Variants in GRM6 observed in about 807,000 individuals in gnomAD.
GRM6 encodes metabotropic glutamate receptor 6.
In GRM6, 73 loss-of-function variants were observed where a neutral mutation model predicts 78.4. The observed-to-expected ratio is 0.93, with a 90% CI of 0.77 to 1.13. The LOEUF is 1.13. Ranked by LOEUF, GRM6 falls within the 50% of genes most tolerant of loss-of-function variation. The pLI is 0.00. For synonymous variants in GRM6, 580 were observed against 555.0 expected (o/e 1.05, Z -0.63); for missense variants, 1,251 against 1,256.4 (o/e 1.00, Z 0.07).
At position 178,981,449 on chromosome 5, in the gene GRM6, G is replaced by A; in HGVS notation, c.*208C>T. On this transcript the variant is annotated 3_prime_UTR_variant, in exon 11 of 11. Transcript: ENST00000517717. This position sits in a 1 kb window ranked among gnomAD's most constrained non-coding sequence, Gnocchi z 5.1. ...ACCATGGGAAGCGAGTCTGGTCTGTGGTGAGGAAGCATGAAGCTCACATGC... is the reference window on the plus strand; with the variant it reads ...ACCATGGGAAGCGAGTCTGGTCTGTAGTGAGGAAGCATGAAGCTCACATGC... 1 of 583,694 alleles carries A rather than the reference G, an allele frequency of 1.7e-6. No individual in the cohort carries two copies. Among genetic ancestry groups the A allele is most frequent in the Admixed American group, 3.0e-5 (1 of 33,366 alleles). 36.2% of individuals were successfully genotyped at this position (583,694 alleles called of 1,614,324 possible). A position where few individuals can be genotyped will look rare whatever the true frequency, so the allele number is the denominator to read the frequency against.
At position 178,994,877 on chromosome 5, in the gene GRM6, T is replaced by A. The variant is rs1660068528; in HGVS notation, c.68A>T (p.Gln23Leu). 1 of 1,204,912 alleles carries A rather than the reference T, an allele frequency of 8.3e-7. No individual in the cohort carries two copies. Among genetic ancestry groups the A allele is most frequent in the South Asian group, 3.0e-5 (1 of 33,036 alleles). The allele number at this position is 1,204,912 out of a possible 1,614,324, so 74.6% of individuals were successfully genotyped here. A position where few individuals can be genotyped will look rare whatever the true frequency, so the allele number is the denominator to read the frequency against. The part of the protein sequence containing the change: ...VALLPLAWLA[Q>L]AGLARAAGSV... ...GCCCGCCGCGCGCGCCAGGCCCGCC[T>A]GCGCCAGCCACGCCAGCGGCAGCAG... is the stretch of plus-strand genomic sequence containing the variant. The change falls in exon 2 of 11, where the codon CAG (glutamine) becomes CTG (leucine). Residue 23 changes from glutamine to leucine, a missense_variant. Transcript: ENST00000517717.
In GRM6 at chr5:178,994,975, AG is replaced by A; in HGVS notation, c.-16-16del. 1 of 1,132,256 alleles carries A rather than the reference AG, an allele frequency of 8.8e-7. No homozygotes were observed. The highest frequency in any genetic ancestry group is 1.1e-6 in the Non-Finnish European group (1 of 923,258). The allele number at this position is 1,132,256 out of a possible 1,614,324, so 70.1% of individuals were successfully genotyped here. A position where few individuals can be genotyped will look rare whatever the true frequency, so the allele number is the denominator to read the frequency against. On this transcript the variant is annotated splice_polypyrimidine_tract_variant and intron_variant, in intron 1 of 10. Transcript: ENST00000517717. The stretch of plus-strand genomic sequence containing the variant: ...CGTCTAGCGGGCTGCGGGGAGACAG[AG>A]GGGCGGGGAGCGCTCTGAGGGCGGG...
chr5:178,985,511 G>C (rs971734387), intron 9 of GRM6: 4 of 339,338 alleles, frequency 1.2e-5, no homozygotes, highest in African/African-American at 8.7e-5. Flanking sequence ...AGACCATCCT[G>C]GCTAACACGG....
At chr5:178,985,265 A>G (rs956836872) in intron 9 of GRM6, 3 of 456,504 alleles carry the variant, frequency 6.6e-6, no homozygotes, top group Middle Eastern at 3.3e-4. Context: ...AAATAACTTC[A>G]CTGTTGTACA....
Position 178,990,592 on chromosome 5 carries a change from C to T in GRM6, c.1012G>A (p.Gly338Arg), listed in dbSNP as rs371244727. 8.1e-6 allele frequency: 13 copies of T among 1,612,266 alleles called. No homozygotes were observed. The highest frequency in any genetic ancestry group is 3.3e-5 in the Admixed American group (2 of 59,996). Reference sequence around the variant, plus strand: ...GGGGATGGAGTGCCCCTGGACTCACCGTCGATGGAGGCCCTTTTGGGCAGG... The same window carrying T: ...GGGGATGGAGTGCCCCTGGACTCACTGTCGATGGAGGCCCTTTTGGGCAGG... ...TILPKRASID[G>R]FDQYFMTRSL... is the part of the protein sequence containing the mutation. Residue 338 changes from glycine to arginine, a missense_variant and splice_region_variant, in exon 5 of 11, where the codon GGA becomes AGA. By Grantham distance (125) the Gly-to-Arg change is moderately radical (BLOSUM62 -2). Coordinates refer to ENST00000517717, the MANE Select transcript of GRM6 (RefSeq NM_000843.4).
intron 9 of GRM6, among the ~76,000 whole-genome samples, chr5:178,984,407 G>A (rs538623734): frequency 6.6e-5 from 10 of 152,328 alleles, no homozygotes; most frequent in Admixed American, 5.2e-4. Flanking sequence ...AAGTGCAGGC[G>A]AATTGAAGCC....
chr5:178,993,090 C>T (rs1374430437), intron 2 of GRM6, among the ~76,000 whole-genome samples: 1 of 152,220 alleles, frequency 6.6e-6, no homozygotes, highest in Non-Finnish European at 1.5e-5. Context: ...CCTGCCAGCA[C>T]GGTCATGTGG....
rs1760574274 is a variant in GRM6, at chr5:178,986,906, T to C, written c.1432A>G (p.Thr478Ala). 1 of 1,614,186 alleles carries C rather than the reference T, an allele frequency of 6.2e-7. No homozygotes were observed. Among genetic ancestry groups the C allele is most frequent in the South Asian group, 1.1e-5 (1 of 91,084 alleles). ...GRYDIFQYQA[T>A]NGSASSGGYQ... The stretch of plus-strand genomic sequence containing the variant: ...CCGCCACTGCTGGCACTGCCATTGG[T>C]CGCCTGGTACTGGAAGATGTCGTAC... Residue 478 changes from threonine (T) to alanine (A), a missense_variant, in exon 8 of 11, where the codon ACC becomes GCC. Transcript: ENST00000517717.
At position 178,981,640 on chromosome 5, in the gene GRM6, C is replaced by G. The variant is rs767370044; in HGVS notation, c.*17G>C. On this transcript the variant is annotated 3_prime_UTR_variant, in exon 11 of 11. Transcript: ENST00000517717. The surrounding 1 kb of genome is among the most constrained non-coding windows in gnomAD (Gnocchi z 5.1). ...AGAAAGGAGAGGCAGCAAGCAGTCC[C>G]GTTCCCACCTGCCCTGCTACTTGTG... is the stretch of plus-strand genomic sequence containing the variant. 2 of 1,597,280 alleles carry G rather than the reference C, an allele frequency of 1.3e-6. No homozygotes were observed. The highest frequency in any genetic ancestry group is 1.3e-5 in the African/African-American group (1 of 74,736).
At chr5:178,990,961 T>C (rs943047101) in intron 4 of GRM6, among the ~76,000 whole-genome samples, 4 of 152,104 alleles carry the variant, frequency 2.6e-5, no homozygotes, top group African/African-American at 9.7e-5. Context: ...TAACCCACTG[T>C]TCAGGGGGTT....
chr5:178,994,424 G>A lies in GRM6; in HGVS notation c.504+17C>T, dbSNP rs1368181224. ...GAGAGGGACGCTGGACACCGAGCCC[G>A]GCCCCGCGGCCCTCACCGCAAACAG... On this transcript the variant is annotated intron_variant, in intron 2 of 10. Coordinates refer to ENST00000517717, the MANE Select transcript of GRM6 (RefSeq NM_000843.4). 2 of 1,489,024 alleles carry A rather than the reference G, an allele frequency of 1.3e-6. No homozygotes were observed. The highest frequency in any genetic ancestry group is 1.8e-6 in the Non-Finnish European group (2 of 1,125,140). The allele number at this position is 1,489,024 out of a possible 1,614,324, so 92.2% of individuals were successfully genotyped here. A position where few individuals can be genotyped will look rare whatever the true frequency, so the allele number is the denominator to read the frequency against.
At chr5:178,985,686 C>T (rs12109023) in intron 9 of GRM6, 2 of 396,696 alleles carry the variant, frequency 5.0e-6, no homozygotes, top group African/African-American at 4.7e-5. Context: ...CTGGGCGACA[C>T]AGCGAGACTC....
Position 178,992,278 on chromosome 5 carries a change from G to GGCAAGGTCT in GRM6, c.505-196_505-195insAGACCTTGC, listed in dbSNP as rs11283410. On this transcript the variant is annotated intron_variant, in intron 2 of 10. Transcript: ENST00000517717. The surrounding 1 kb of genome is among the most constrained non-coding windows in gnomAD (Gnocchi z 4.9). The stretch of plus-strand genomic sequence containing the variant: ...GCCACCTGGAAAGGCTGGAAGCTGT[G>GGCAAGGTCT]GTGTTTTGCGAGTGGGCCTGAGAAT... 1.4e-6 allele frequency: 1 copy of GGCAAGGTCT among 695,178 alleles called. No homozygotes were observed. The highest frequency in any genetic ancestry group is 2.6e-6 in the Non-Finnish European group (1 of 380,410). 43.1% of individuals were successfully genotyped at this position (695,178 alleles called of 1,614,324 possible).
chr5:178,981,258 C>T lies in GRM6; in HGVS notation c.*399G>A, dbSNP rs939215830. 6.6e-5 allele frequency: 15 copies of T among 227,004 alleles called. No homozygotes were observed. In the East Asian group the frequency reaches 1.3e-3, roughly 20 times the overall value. 14.1% of individuals were successfully genotyped at this position (227,004 alleles called of 1,614,324 possible). A position where few individuals can be genotyped will look rare whatever the true frequency, so the allele number is the denominator to read the frequency against. On this transcript the variant is annotated 3_prime_UTR_variant, in exon 11 of 11. Coordinates refer to ENST00000517717, the MANE Select transcript of GRM6 (RefSeq NM_000843.4). The surrounding 1 kb of genome is among the most constrained non-coding windows in gnomAD (Gnocchi z 5.1). Reference sequence around the variant, plus strand: ...CCCATGTTTCATTCTGGGGTCTACACGTTCTTCCACACTGCCCAATCCCCA... The same window carrying T: ...CCCATGTTTCATTCTGGGGTCTACATGTTCTTCCACACTGCCCAATCCCCA...
chr5:178,992,394 G>GT lies in GRM6; in HGVS notation c.505-312_505-311insA. 2.8e-6 allele frequency: 1 copy of GT among 356,380 alleles called. No homozygotes were observed. Among genetic ancestry groups the GT allele is most frequent in the Non-Finnish European group, 5.2e-6 (1 of 192,382 alleles). 22.1% of individuals were successfully genotyped at this position (356,380 alleles called of 1,614,324 possible). A position where few individuals can be genotyped will look rare whatever the true frequency, so the allele number is the denominator to read the frequency against. On this transcript the variant is annotated intron_variant, in intron 2 of 10. Transcript: ENST00000517717. The surrounding 1 kb of genome is among the most constrained non-coding windows in gnomAD (Gnocchi z 4.9). Reference sequence around the variant, plus strand: ...TGGTACAAGCTGTGTCCTGAACAAGGACCCCCAGCAGAGGGCCTGCAGCCC... The same window carrying GT: ...TGGTACAAGCTGTGTCCTGAACAAGGTACCCCCAGCAGAGGGCCTGCAGCCC...
In GRM6 at chr5:178,981,803, C is replaced by G. The variant is rs1760400437; in HGVS notation, c.2488G>C (p.Val830Leu). The change falls in exon 11 of 11, where the codon GTG (valine) becomes CTG (leucine). Residue 830 changes from valine to leucine, a missense_variant. Val to Leu is a conservative substitution (Grantham distance 32). Coordinates refer to ENST00000517717, the MANE Select transcript of GRM6 (RefSeq NM_000843.4). This position sits in a 1 kb window ranked among gnomAD's most constrained non-coding sequence, Gnocchi z 5.1. ...GGTACGTAGAGCATGCCGAGGGACA[C>G]CGAGGCACTCAGGCTCAAGGACACG... ...LTVSLSLSAS[V>L]SLGMLYVPKT... 6.2e-7 allele frequency: 1 copy of G among 1,613,168 alleles called. No individual in the cohort carries two copies. The highest frequency in any genetic ancestry group is 1.7e-5 in the Admixed American group (1 of 59,998).
In GRM6 at chr5:178,995,108, C is replaced by G. The variant is rs933825498; in HGVS notation, c.-16-148G>C. The G allele has an allele frequency of 1.0e-4, 29 of 291,264 alleles. No individual in the cohort carries two copies. In the Admixed American group the frequency reaches 1.5e-3, roughly 15 times the overall value. The allele number at this position is 291,264 out of a possible 1,614,324, so 18.0% of individuals were successfully genotyped here. On this transcript the variant is annotated intron_variant, in intron 1 of 10. Coordinates refer to ENST00000517717, the MANE Select transcript of GRM6 (RefSeq NM_000843.4). ...GGCTCTGGGGAGTTAGCTCAGCCGG[C>G]CTGCCCGGGCCTCCGTCTCGCTCTT...
chr5:178,988,893 C>A lies in GRM6; in HGVS notation c.1354+42G>T. On this transcript the variant is annotated intron_variant, in intron 7 of 10. Transcript: ENST00000517717. This position sits in a 1 kb window ranked among gnomAD's most constrained non-coding sequence, Gnocchi z 6.0. ...GGCCTCACAGCAAAATCCAGCCCCC[C>A]AGCTGTCCTTCACTGCTGCAGGGGG... 3.2e-6 allele frequency: 5 copies of A among 1,538,518 alleles called. No individual in the cohort carries two copies. The highest frequency in any genetic ancestry group is 1.1e-5 in the South Asian group (1 of 88,064).
rs868159628 is a variant in GRM6 at position 178,981,237 on chromosome 5, T to C, written c.*420A>G. On this transcript the variant is annotated 3_prime_UTR_variant, in exon 11 of 11. Transcript: ENST00000517717. This position sits in a 1 kb window ranked among gnomAD's most constrained non-coding sequence, Gnocchi z 5.1. ...CAGCTCCTCCTCCACTCCAACCCCA[T>C]GTTTCATTCTGGGGTCTACACGTTC... 2.0e-5 allele frequency: 4 copies of C among 198,362 alleles called. No individual in the cohort carries two copies. The highest frequency in any genetic ancestry group is 5.3e-5 in the Admixed American group (1 of 18,810). The allele number at this position is 198,362 out of a possible 1,614,324, so 12.3% of individuals were successfully genotyped here. A position where few individuals can be genotyped will look rare whatever the true frequency, so the allele number is the denominator to read the frequency against.
Sources: allele counts gnomAD v4.1 joint callset (sites outside exome capture counted in the v4.1 genomes callset), GRCh38; gene constraint gnomAD v4.1.1; non-coding constraint Gnocchi (gnomAD v3.1); transcripts MANE v1.5; gene names NCBI Gene and HGNC (gene_info 2026-07-23, HGNC 2026-07-21).